AUTS2: variants seen among roughly 807,000 people sequenced by gnomAD.
AUTS2 encodes the protein autism susceptibility gene 2 protein.
In AUTS2, 17 loss-of-function variants were observed where a neutral mutation model predicts 112.4. The ratio of observed to expected loss-of-function variants is 0.15; its 90% CI spans 0.10 to 0.23. AUTS2 has a LOEUF of 0.23. Ranked by LOEUF, AUTS2 falls within the 10% of genes least tolerant of loss-of-function variation. The pLI, the probability that AUTS2 is intolerant of heterozygous loss-of-function variation, is 1.00. For missense variants in AUTS2, 1,510 were observed against 1,701.6 expected, an observed-to-expected ratio of 0.89 and a Z score of 1.98; for synonymous variants, 751 against 702.7, an observed-to-expected ratio of 1.07 and a Z score of -1.09.
chr7:70,715,302 C>G (rs149303540), intron 6 of AUTS2, among the ~76,000 whole-genome samples: 26 of 152,176 alleles, frequency 1.7e-4, no homozygotes, highest in African/African-American at 5.8e-4. Flanking sequence ...TTGTGTTTAT[C>G]AATTGGAGGG....
intron 2 of AUTS2, among the ~76,000 whole-genome samples, chr7:69,906,822 T>C (rs796425547): frequency 1.3e-5 from 2 of 152,216 alleles, no homozygotes; most frequent in African/African-American, 2.4e-5. Context: ...CATACAGTTA[T>C]TGGTATGGGT....
Position 70,631,538 on chromosome 7 carries a change from A to C in AUTS2, c.691-67031A>C, listed in dbSNP as rs1389679819. ...TCGCAACCTAGAATGTGGGCTGGAGAGCGCTGTCCCAGTGGTGGCCCCGAG... is the reference window on the plus strand; with the variant it reads ...TCGCAACCTAGAATGTGGGCTGGAGCGCGCTGTCCCAGTGGTGGCCCCGAG... On this transcript the variant is annotated intron_variant, in intron 5 of 18. Transcript: ENST00000342771. This position sits in a 1 kb window ranked among gnomAD's most constrained non-coding sequence, Gnocchi z 4.5. Among the ~76,000 whole-genome samples the C allele has an allele frequency of 6.6e-6, 1 of 151,980 alleles. No individual in the cohort carries two copies. The highest frequency in any genetic ancestry group is 1.5e-5 in the Non-Finnish European group (1 of 68,014).
At chr7:70,294,706 G>A (rs1306747087) in intron 4 of AUTS2, among the ~76,000 whole-genome samples, 7 of 152,176 alleles carry the variant, frequency 4.6e-5, no homozygotes, top group Non-Finnish European at 7.3e-5. Flanking sequence ...TAGCCCAGAG[G>A]ACTTTGATAT....
At chr7:69,610,075 T>C (rs553034627) in intron 1 of AUTS2, among the ~76,000 whole-genome samples, 2 of 152,366 alleles carry the variant, frequency 1.3e-5, no homozygotes, top group African/African-American at 4.8e-5. Context: ...CCAACTATTT[T>C]ATTAATCTTT....
In AUTS2 at chr7:70,300,242, AAATAAT is replaced by A. The variant is rs1208409924; in HGVS notation, c.661-135500_661-135495del. Reference sequence around the variant, plus strand: ...ACTAACGATAGCTGATGAGCTAGAAAAATAATAATAATAATGGCAGAAACATCTCAA... The same window carrying A: ...ACTAACGATAGCTGATGAGCTAGAAAAATAATAATGGCAGAAACATCTCAA... On this transcript the variant is annotated intron_variant, in intron 4 of 18. Coordinates refer to ENST00000342771, the MANE Select transcript of AUTS2 (RefSeq NM_015570.4). Among the ~76,000 whole-genome samples, 5 of 152,318 alleles carry A rather than the reference AAATAAT, an allele frequency of 3.3e-5. No individual in the cohort carries two copies. In the South Asian group the frequency reaches 1.0e-3, roughly 32 times the overall value.
intron 1 of AUTS2, among the ~76,000 whole-genome samples, chr7:69,840,516 T>C (rs1458189568): frequency 2.6e-5 from 4 of 152,182 alleles, no homozygotes; most frequent in Admixed American, 2.0e-4. Context: ...CAGTGTAATA[T>C]ATGTGTGGGT....
At chr7:69,636,369 G>A (rs1583983253) in intron 1 of AUTS2, among the ~76,000 whole-genome samples, 1 of 151,544 alleles carries the variant, frequency 6.6e-6, no homozygotes, top group Non-Finnish European at 1.5e-5. Flanking sequence ...TACGTAGCTA[G>A]GATTACAGGT....
At chr7:70,723,901 A>T (rs1303364762) in intron 6 of AUTS2, among the ~76,000 whole-genome samples, 1 of 151,984 alleles carries the variant, frequency 6.6e-6, no homozygotes, top group East Asian at 1.9e-4. Context: ...AGAATTTGAG[A>T]AGGGTTTTTG....
chr7:70,634,822 A>T (rs968394849), intron 5 of AUTS2, among the ~76,000 whole-genome samples: 3 of 152,186 alleles, frequency 2.0e-5, no homozygotes, highest in Non-Finnish European at 4.4e-5. Flanking sequence ...GATGAGATGA[A>T]AGTGAGCAAA....
At chr7:70,440,832 G>A (rs1796095151) in intron 5 of AUTS2, among the ~76,000 whole-genome samples, 1 of 152,194 alleles carries the variant, frequency 6.6e-6, no homozygotes, top group African/African-American at 2.4e-5. Context: ...GTTCCCAAAT[G>A]CCAAACACTG....
chr7:69,863,555 A>G (rs1793085139), intron 1 of AUTS2, among the ~76,000 whole-genome samples: 1 of 152,200 alleles, frequency 6.6e-6, no homozygotes, highest in South Asian at 2.1e-4. Flanking sequence ...TGTGTCTGTC[A>G]GATTCTCATA....
intron 5 of AUTS2, among the ~76,000 whole-genome samples, chr7:70,473,202 T>C (rs931647635): frequency 1.3e-5 from 2 of 152,218 alleles, no homozygotes; most frequent in Admixed American, 1.3e-4. Flanking sequence ...TATTTGAACG[T>C]CTTTAAAATA....
chr7:70,325,464 C>T (rs1790444406), intron 4 of AUTS2, among the ~76,000 whole-genome samples: 1 of 152,222 alleles, frequency 6.6e-6, no homozygotes, highest in African/African-American at 2.4e-5. Context: ...TTATGCCTCC[C>T]TCTTCTTCAC....
At chr7:70,450,518 G>T (rs576951399) in intron 5 of AUTS2, among the ~76,000 whole-genome samples, 34 of 152,348 alleles carry the variant, frequency 2.2e-4, no homozygotes, top group African/African-American at 8.2e-4. Flanking sequence ...ACTTCTGTTT[G>T]TTTGGTCAGG....
At chr7:70,296,861 A>ATTT (rs1788961872) in intron 4 of AUTS2, among the ~76,000 whole-genome samples, 1 of 118,614 alleles carries the variant, frequency 8.4e-6, no homozygotes, top group African/African-American at 3.3e-5. Context: ...TTTTTTTTTG[A>ATTT]GACAGTGTCT....
intron 6 of AUTS2, among the ~76,000 whole-genome samples, chr7:70,721,702 G>T (rs1786690597): frequency 6.6e-6 from 1 of 152,168 alleles, no homozygotes; most frequent in Non-Finnish European, 1.5e-5. Flanking sequence ...GAGTCTATTG[G>T]ACCGTAGCTC....
At chr7:69,871,760 G>C (rs988633642) in intron 1 of AUTS2, among the ~76,000 whole-genome samples, 1 of 152,182 alleles carries the variant, frequency 6.6e-6, no homozygotes, top group African/African-American at 2.4e-5. Context: ...GACAGAGCAG[G>C]ACAGCACAGG....
chr7:70,641,076 G>C (rs1366701197), intron 5 of AUTS2, among the ~76,000 whole-genome samples: 1 of 151,858 alleles, frequency 6.6e-6, no homozygotes, highest in Non-Finnish European at 1.5e-5. Flanking sequence ...TAGTCCACCC[G>C]GCTCCAGCCA....
intron 4 of AUTS2, among the ~76,000 whole-genome samples, chr7:70,270,791 T>C (rs971647239): frequency 2.0e-5 from 3 of 152,132 alleles, no homozygotes; most frequent in Non-Finnish European, 4.4e-5. Context: ...TTGAATCAGC[T>C]TTCCAGCAGT....
Sources: allele counts gnomAD v4.1 joint callset (sites outside exome capture counted in the v4.1 genomes callset), GRCh38; gene constraint gnomAD v4.1.1; non-coding constraint Gnocchi (gnomAD v3.1); transcripts MANE v1.5; gene names NCBI Gene and HGNC (gene_info 2026-07-23, HGNC 2026-07-21).